Variants in IDE observed in about 807,000 individuals in gnomAD.
The protein encoded by IDE is insulin degrading enzyme.
A neutral mutation model predicts 133.2 loss-of-function variants in IDE; 58 were observed. The observed-to-expected ratio is 0.44, with a 90% CI of 0.35 to 0.54. The LOEUF (loss-of-function observed/expected upper bound fraction) is 0.54, where lower values mean the gene tolerates loss of function less well. Among genes scored for constraint, IDE ranks in the 20% least tolerant of loss-of-function variants. The pLI, the probability that IDE is intolerant of heterozygous loss-of-function variation, is 0.00. For missense variants in IDE, 981 were observed against 1,234.0 expected, an observed-to-expected ratio of 0.79 and a Z score of 3.07; for synonymous variants, 396 against 421.3, an observed-to-expected ratio of 0.94 and a Z score of 0.73.
intron 1 of IDE, among the ~76,000 whole-genome samples, chr10:92,549,190 G>A (rs891135377): frequency 4.6e-5 from 7 of 151,996 alleles, no homozygotes; most frequent in African/African-American, 1.7e-4. Context: ...TCTGGGAGGC[G>A]GATGTTGTGT....
intron 24 of IDE, 62 bp from the exon 25 acceptor site, chr10:92,454,601 C>CT: frequency 4.0e-6 from 5 of 1,252,152 alleles, no homozygotes; most frequent in Non-Finnish European, 5.9e-6. Flanking sequence ...AGGACATCAA[C>CT]TTTTTTTGGC....
intron 4 of IDE, among the ~76,000 whole-genome samples, chr10:92,524,418 T>A (rs1327801515): frequency 0.039 from 318 of 8,066 alleles, 27 homozygotes; most frequent in Non-Finnish European, 0.077. Flanking sequence ...TATATTATAT[T>A]ATATATAATA....
chr10:92,519,774 A>G (rs1296029478), intron 4 of IDE, among the ~76,000 whole-genome samples: 5 of 152,196 alleles, frequency 3.3e-5, no homozygotes. Context: ...GGGCATAATA[A>G]GAGGACCAAC....
chr10:92,486,732 C>A (rs1847023617), intron 13 of IDE, among the ~76,000 whole-genome samples: 1 of 152,194 alleles, frequency 6.6e-6, no homozygotes, highest in Non-Finnish European at 1.5e-5. Flanking sequence ...ACTAGTTTAT[C>A]ATTCCATTAA....
rs1266310103 is a variant in IDE, at chr10:92,537,408, G to C, written c.241C>G (p.Pro81Ala). 6.2e-7 allele frequency: 1 copy of C among 1,612,884 alleles called. No homozygotes were observed. Among genetic ancestry groups the C allele is most frequent in the South Asian group, 1.1e-5 (1 of 90,610 alleles). ...GCTGCTGATGACTTATCCGTGGTGG[G>C]ATCACTGATAAGAAGTACTTTGATA... ...NGIKVLLISD[P>A]TTDKSSAALD... is the part of the protein sequence containing the mutation. The change falls in exon 2 of 25, where the codon CCC becomes GCC. Residue 81 changes from proline to alanine, a missense_variant. This residue lies in a region of IDE where 321 missense variants were observed against 339.3 expected (regional missense o/e 0.95). Transcript: ENST00000265986.
rs577245829 is a variant in IDE, at chr10:92,558,317, G to A, written c.98+15605C>T. ...GATCCGCCCACCTCGGCCTCCCAAA[G>A]TGCTAGGATTACAGGTGTGAGCCAC... On this transcript the variant is annotated intron_variant, in intron 1 of 24. Transcript: ENST00000265986. Among the ~76,000 whole-genome samples the A allele has an allele frequency of 3.7e-4, 57 of 152,292 alleles. 1 individual carries two copies. In the East Asian group the frequency reaches 0.011, roughly 29 times the overall value.
chr10:92,526,597 G>C (rs1849634187), intron 4 of IDE, among the ~76,000 whole-genome samples: 1 of 152,106 alleles, frequency 6.6e-6, no homozygotes, highest in Non-Finnish European at 1.5e-5. Context: ...TGTAACCCTA[G>C]CACTTTGGGA....
chr10:92,549,457 CTCAATCAATCAA>C (rs371643247), intron 1 of IDE, among the ~76,000 whole-genome samples: 1 of 151,976 alleles, frequency 6.6e-6, no homozygotes, highest in African/African-American at 2.4e-5. Flanking sequence ...CTACATATCT[CTCAATCAATCAA>C]TCAATCAATC....
At chr10:92,534,922 G>T in intron 2 of IDE, 137 bp from the exon 3 acceptor site, 2 of 638,372 alleles carry the variant, frequency 3.1e-6, no homozygotes, top group Non-Finnish European at 5.4e-6. Flanking sequence ...TACCTAAAAT[G>T]ATATTATTTA....
chr10:92,526,733 C>G (rs1303119405), intron 4 of IDE, among the ~76,000 whole-genome samples: 7 of 150,410 alleles, frequency 4.7e-5, no homozygotes, highest in Non-Finnish European at 1.0e-4. Flanking sequence ...GTAGTCTCAG[C>G]TACTTGGGAG....
chr10:92,467,478 C>T (rs1434752151), intron 19 of IDE, among the ~76,000 whole-genome samples: 2 of 152,150 alleles, frequency 1.3e-5, no homozygotes, highest in Admixed American at 1.3e-4. Context: ...TGATTTCCTA[C>T]CACTTAGCAT....
At chr10:92,524,010 G>A (rs77651887) in intron 4 of IDE, among the ~76,000 whole-genome samples, 1,530 of 151,530 alleles carry the variant, frequency 0.01, 23 homozygotes, top group African/African-American at 0.035. Flanking sequence ...CCATTGAGAG[G>A]CAAACAAAAA....
At chr10:92,504,055 C>T (rs1848169274) in intron 11 of IDE, among the ~76,000 whole-genome samples, 1 of 151,758 alleles carries the variant, frequency 6.6e-6, no homozygotes, top group Non-Finnish European at 1.5e-5. Context: ...AGTTCTATCA[C>T]ATTGTTGATC....
chr10:92,535,497 G>A (rs753908130), intron 2 of IDE, among the ~76,000 whole-genome samples: 1 of 152,128 alleles, frequency 6.6e-6, no homozygotes, highest in African/African-American at 2.4e-5. Flanking sequence ...TACTGGCTGT[G>A]AAACGGTAAG....
At chr10:92,565,119 C>T (rs1219290279) in intron 1 of IDE, among the ~76,000 whole-genome samples, 5 of 151,462 alleles carry the variant, frequency 3.3e-5, no homozygotes, top group African/African-American at 7.3e-5. Flanking sequence ...TGGTAGCGGG[C>T]GCCTGTAATT....
intron 24 of IDE, among the ~76,000 whole-genome samples, chr10:92,455,368 C>T (rs1156277386): frequency 6.6e-6 from 1 of 152,066 alleles, no homozygotes; most frequent in Non-Finnish European, 1.5e-5. Flanking sequence ...CCCAGCTACT[C>T]AAGAGGCTGA....
intron 4 of IDE, among the ~76,000 whole-genome samples, chr10:92,529,428 T>C (rs935660519): frequency 8.5e-5 from 13 of 152,236 alleles, no homozygotes; most frequent in Admixed American, 2.6e-4. Context: ...GGCTCACTTG[T>C]TTCTCAGCTG....
intron 3 of IDE, 144 bp from the exon 4 acceptor site, chr10:92,532,061 G>C: frequency 1.9e-6 from 1 of 530,432 alleles, no homozygotes; most frequent in Non-Finnish European, 3.2e-6. Flanking sequence ...AAGAAAAAAG[G>C]AGTATAAAAT....
intron 22 of IDE, among the ~76,000 whole-genome samples, chr10:92,457,467 C>CT (rs1845093812): frequency 6.8e-6 from 1 of 147,168 alleles, no homozygotes; most frequent in African/African-American, 2.5e-5. Flanking sequence ...CTAGAGTCTG[C>CT]TTGCTCTCTC....
Sources: allele counts gnomAD v4.1 joint callset (sites outside exome capture counted in the v4.1 genomes callset), GRCh38; gene constraint gnomAD v4.1.1; regional missense constraint gnomAD v4.1.1; transcripts MANE v1.5; gene names NCBI Gene and HGNC (gene_info 2026-07-23, HGNC 2026-07-21).